Variants in SLC7A5 observed in about 807,000 individuals in gnomAD.
SLC7A5 encodes solute carrier family 7 member 5.
SLC7A5 carries 23 observed loss-of-function variants against 50.2 expected under a neutral mutation model. The ratio of observed to expected loss-of-function variants is 0.46; its 90% CI spans 0.33 to 0.65. SLC7A5 has a LOEUF of 0.65. Ranked by LOEUF, SLC7A5 falls within the 30% of genes least tolerant of loss-of-function variation. The pLI is 0.02. For synonymous variants in SLC7A5, 393 were observed against 330.6 expected (o/e 1.19, Z -2.05); for missense variants, 578 against 684.4 (o/e 0.84, Z 1.73).
At chr16:87,864,010 A>G (rs2055431494) in intron 1 of SLC7A5, among the ~76,000 whole-genome samples, 1 of 9,776 alleles carries the variant, frequency 1.0e-4, no homozygotes, top group East Asian at 5.4e-3. Context: ...TATATATATC[A>G]GCCGAGTAGG....
At chr16:87,837,697 G>C (rs2143721432) in intron 7 of SLC7A5, 148 bp downstream of exon 7, 1 of 638,172 alleles carries the variant, frequency 1.6e-6, no homozygotes, top group Middle Eastern at 4.2e-4. Context: ...AGCGCTCTCT[G>C]GCATTCAGCG....
rs1269161666 is a variant in SLC7A5 at position 87,841,659 on chromosome 16, C to A, written c.665-504G>T. On this transcript the variant is annotated intron_variant, in intron 2 of 9. Coordinates refer to ENST00000261622, the MANE Select transcript of SLC7A5 (RefSeq NM_003486.7). This position sits in a 1 kb window ranked among gnomAD's most constrained non-coding sequence, Gnocchi z 4.8. ...CCAGGGCTGGCAGGACAGGCCTGGGCAAGAACATAGGTTTGTCCTGGACCG... is the reference window on the plus strand; with the variant it reads ...CCAGGGCTGGCAGGACAGGCCTGGGAAAGAACATAGGTTTGTCCTGGACCG... 2.0e-5 allele frequency among the ~76,000 whole-genome samples: 3 copies of A among 152,168 alleles called. No individual in the cohort carries two copies. The highest frequency in any genetic ancestry group is 6.5e-5 in the Admixed American group (1 of 15,274).
At chr16:87,865,733 A>AAAT (rs2055452864) in intron 1 of SLC7A5, among the ~76,000 whole-genome samples, 1 of 152,196 alleles carries the variant, frequency 6.6e-6, no homozygotes, top group African/African-American at 2.4e-5. Flanking sequence ...AAATAAATTT[A>AAAT]AAAAATACTT....
Position 87,834,601 on chromosome 16 carries a change from AG to A in SLC7A5, c.1291-11del. The A allele has an allele frequency of 6.3e-7, 1 of 1,579,214 alleles. No homozygotes were observed. The highest frequency in any genetic ancestry group is 1.9e-5 in the Admixed American group (1 of 52,892). On this transcript the variant is annotated splice_polypyrimidine_tract_variant and intron_variant, in intron 8 of 9. Transcript: ENST00000261622. ...GCAGGGCCAGGTTCACCTGGGGCAG[AG>A]GACAGGGCCTGGGTGAGCCCTCTCC... is the stretch of plus-strand genomic sequence containing the variant.
intron 2 of SLC7A5, among the ~76,000 whole-genome samples, chr16:87,845,277 C>G (rs35459492): frequency 0.36 from 55,380 of 152,094 alleles, 11,863 homozygotes; most frequent in African/African-American, 0.59. Context: ...GAGTGCACAG[C>G]CAATGGCACC....
At chr16:87,868,851 A>C (rs1336776928) in intron 1 of SLC7A5, 34 bp downstream of exon 1, 3 of 1,569,172 alleles carry the variant, frequency 1.9e-6, no homozygotes, top group African/African-American at 1.4e-5. Context: ...AGAGACTACG[A>C]CCTCCCAACC....
rs1399713023 is a variant in SLC7A5 at position 87,862,456 on chromosome 16, G to GC, written c.538+6428dup. On this transcript the variant is annotated intron_variant, in intron 1 of 9. Transcript: ENST00000261622. The surrounding 1 kb of genome is among the most constrained non-coding windows in gnomAD (Gnocchi z 5.3). ...GTGGCGATTCCTACTTCCACCCATA[G>GC]CCCCCCGACCCTGGGCCTGTGCCGA... 6.6e-6 allele frequency among the ~76,000 whole-genome samples: 1 copy of GC among 152,208 alleles called. No homozygotes were observed. Among genetic ancestry groups the GC allele is most frequent in the African/African-American group, 2.4e-5 (1 of 41,444 alleles).
At chr16:87,837,490 A>G (rs12448415) in intron 7 of SLC7A5, 69,907 of 293,312 alleles carry the variant, frequency 0.24, 9,347 homozygotes, top group South Asian at 0.41. Context: ...GGAAAGATGC[A>G]GGAGAAGCGG....
In SLC7A5 at chr16:87,832,749, G is replaced by C. The variant is rs1597489975; in HGVS notation, c.*221C>G. 5 of 531,752 alleles carry C rather than the reference G, an allele frequency of 9.4e-6. No individual in the cohort carries two copies. In the South Asian group the frequency reaches 9.9e-5, roughly 10 times the overall value. The allele number at this position is 531,752 out of a possible 1,614,324, so 32.9% of individuals were successfully genotyped here. ...CAAGGAGACCAAAAGCTGCTCCTGG[G>C]CAGGAGCACAGGCACACCTGGGTCC... On this transcript the variant is annotated 3_prime_UTR_variant, in exon 10 of 10. Coordinates refer to ENST00000261622, the MANE Select transcript of SLC7A5 (RefSeq NM_003486.7). This position sits in a 1 kb window ranked among gnomAD's most constrained non-coding sequence, Gnocchi z 4.6.
In SLC7A5 at chr16:87,841,305, G is replaced by A. The variant is rs766334319; in HGVS notation, c.665-150C>T. 1.5e-6 allele frequency: 1 copy of A among 670,962 alleles called. No homozygotes were observed. Among genetic ancestry groups the A allele is most frequent in the South Asian group, 1.5e-5 (1 of 66,368 alleles). 41.6% of individuals were successfully genotyped at this position (670,962 alleles called of 1,614,324 possible). A position where few individuals can be genotyped will look rare whatever the true frequency, so the allele number is the denominator to read the frequency against. On this transcript the variant is annotated intron_variant, in intron 2 of 9. Transcript: ENST00000261622. The surrounding 1 kb of genome is among the most constrained non-coding windows in gnomAD (Gnocchi z 4.8). The stretch of plus-strand genomic sequence containing the variant: ...CTGTGACAAATGGTATGTACCTGCT[G>A]AGCCACATGGAGGGTGCAGGGTTCC...
intron 1 of SLC7A5, among the ~76,000 whole-genome samples, chr16:87,858,263 G>C (rs559529270): frequency 1.3e-5 from 2 of 152,228 alleles, no homozygotes; most frequent in South Asian, 4.2e-4. Flanking sequence ...GAAATACCTC[G>C]CGGACGTGTC....
At chr16:87,849,919 C>CGGA (rs1290019182) in intron 2 of SLC7A5, among the ~76,000 whole-genome samples, 1 of 152,202 alleles carries the variant, frequency 6.6e-6, no homozygotes, top group East Asian at 1.9e-4. Context: ...TCAAGTGGGA[C>CGGA]TTCCCCTCGA....
At position 87,853,567 on chromosome 16, in the gene SLC7A5, G is replaced by T. The variant is rs1367626968; in HGVS notation, c.539-1718C>A. Among the ~76,000 whole-genome samples the T allele has an allele frequency of 6.6e-6, 1 of 152,166 alleles. No individual in the cohort carries two copies. The highest frequency in any genetic ancestry group is 1.5e-5 in the Non-Finnish European group (1 of 68,044). ...CAGTCCAACCCTCAGGGCTCAGCAG[G>T]GTCAGGTCAGTGGGTCTAGGCAGCT... On this transcript the variant is annotated intron_variant, in intron 1 of 9. Coordinates refer to ENST00000261622, the MANE Select transcript of SLC7A5 (RefSeq NM_003486.7). This position sits in a 1 kb window ranked among gnomAD's most constrained non-coding sequence, Gnocchi z 4.4.
chr16:87,848,329 G>A lies in SLC7A5; in HGVS notation c.664+3395C>T, dbSNP rs549900629. Among the ~76,000 whole-genome samples the A allele has an allele frequency of 2.7e-4, 41 of 152,358 alleles. 1 individual carries two copies. The South Asian group carries it at 8.3e-3, about 31-fold the overall frequency. On this transcript the variant is annotated intron_variant, in intron 2 of 9. Coordinates refer to ENST00000261622, the MANE Select transcript of SLC7A5 (RefSeq NM_003486.7). ...CAAAGCGCCCCATTGTGTCCTCCAGGAGGGACGTGCTGCTGCTGCTGGGCT... is the reference window on the plus strand; with the variant it reads ...CAAAGCGCCCCATTGTGTCCTCCAGAAGGGACGTGCTGCTGCTGCTGGGCT...
chr16:87,848,941 A>G (rs2055186626), intron 2 of SLC7A5, among the ~76,000 whole-genome samples: 1 of 123,612 alleles, frequency 8.1e-6, no homozygotes, highest in Admixed American at 7.7e-5. Context: ...ACAGGACCCT[A>G]GGGCCAGTGC....
intron 1 of SLC7A5, among the ~76,000 whole-genome samples, chr16:87,858,841 T>C (rs2055352999): frequency 6.6e-6 from 1 of 152,182 alleles, no homozygotes; most frequent in African/African-American, 2.4e-5. Flanking sequence ...GCACAGCCTG[T>C]ACACCCGACA....
chr16:87,837,990 C>G lies in SLC7A5; in HGVS notation c.1044-49G>C. 4 of 1,406,104 alleles carry G rather than the reference C, an allele frequency of 2.8e-6. No individual in the cohort carries two copies. In the South Asian group the frequency reaches 3.7e-5, roughly 13 times the overall value. 87.1% of individuals were successfully genotyped at this position (1,406,104 alleles called of 1,614,324 possible). On this transcript the variant is annotated intron_variant, in intron 6 of 9. Coordinates refer to ENST00000261622, the MANE Select transcript of SLC7A5 (RefSeq NM_003486.7). ...AGTCAGCCACCGCCCCACAACTCAG[C>G]ACGTGGACAGGGGACACGCAGGCTG... is the stretch of plus-strand genomic sequence containing the variant.
rs144814524 is a variant in SLC7A5 at position 87,859,196 on chromosome 16, G to A, written c.539-7347C>T. On this transcript the variant is annotated intron_variant, in intron 1 of 9. Transcript: ENST00000261622. ...CTGGCTCCGGGCCACACAGCTTGAG[G>A]GACTCAGAGCTCCAGGGACAGTGCC... is the stretch of plus-strand genomic sequence containing the variant. Among the ~76,000 whole-genome samples, 979 of 152,362 alleles carry A rather than the reference G, an allele frequency of 6.4e-3. 8 individuals carry two copies. Among genetic ancestry groups the A allele is most frequent in the South Asian group, 0.01 (50 of 4,830 alleles).
rs1450587817 is a variant in SLC7A5 at position 87,860,337 on chromosome 16, A to AT, written c.539-8489_539-8488insA. Among the ~76,000 whole-genome samples the AT allele has an allele frequency of 3.1e-4, 33 of 104,802 alleles. 1 individual carries two copies. Among genetic ancestry groups the AT allele is most frequent in the African/African-American group, 1.3e-3 (31 of 23,118 alleles). The allele number at this position is 104,802 out of a possible 152,430, so 68.8% of individuals were successfully genotyped here. On this transcript the variant is annotated intron_variant, in intron 1 of 9. Coordinates refer to ENST00000261622, the MANE Select transcript of SLC7A5 (RefSeq NM_003486.7). This position sits in a 1 kb window ranked among gnomAD's most constrained non-coding sequence, Gnocchi z 4.8. ...AACAAAAGCATCTCAAAAAAAAAAA[A>AT]AAATACACACACACACACACACACA... is the stretch of plus-strand genomic sequence containing the variant.
Sources: gnomAD v4.1 joint callset for allele counts (sites outside exome capture counted in the v4.1 genomes callset) on GRCh38, gnomAD v4.1.1 for gene constraint, Gnocchi (gnomAD v3.1) non-coding constraint, MANE v1.5 for transcripts, NCBI Gene and HGNC (gene_info 2026-07-23, HGNC 2026-07-21) for gene names.